The following RIC3 variants were observed in gnomAD, a reference collection of about 807,000 sequenced individuals.
The protein encoded by RIC3 is RIC3 acetylcholine receptor chaperone, also known as protein RIC-3.
RIC3 carries 28 observed loss-of-function variants against 27.3 expected under a neutral mutation model. That is an observed-to-expected ratio of 1.02 (90% CI 0.76 to 1.41). The LOEUF (loss-of-function observed/expected upper bound fraction) is 1.41, where lower values mean the gene tolerates loss of function less well. Among genes scored for constraint, RIC3 ranks in the 40% most tolerant of loss-of-function variants. The pLI, the probability that RIC3 is intolerant of heterozygous loss-of-function variation, is 0.00. For missense variants in RIC3, 501 were observed against 444.7 expected (o/e 1.13, Z -1.14); for synonymous variants, 184 against 160.4 (o/e 1.15, Z -1.11).
chr11:8,167,458 C>G (rs1951798296), intron 1 of RIC3, among the ~76,000 whole-genome samples: 1 of 152,122 alleles, frequency 6.6e-6, no homozygotes, highest in Middle Eastern at 3.4e-3. Flanking sequence ...CACAGCACTT[C>G]AGGAATAAAG....
intron 1 of RIC3, among the ~76,000 whole-genome samples, chr11:8,141,903 G>A (rs1949117552): frequency 6.6e-6 from 1 of 151,920 alleles, no homozygotes; most frequent in Non-Finnish European, 1.5e-5. Flanking sequence ...CATGGAAACT[G>A]AACAACCTGC....
At chr11:8,098,854 G>C in the RIC3 span, 12 of 1,614,014 alleles carry the variant, frequency 7.4e-6, no homozygotes, top group Non-Finnish European at 9.3e-6. Flanking sequence ...CCTTACGTCA[G>C]GAGCTGGCAG....
At chr11:8,144,448 A>G (rs1179631902) in intron 1 of RIC3, among the ~76,000 whole-genome samples, 2 of 148,422 alleles carry the variant, frequency 1.3e-5, no homozygotes, top group East Asian at 2.0e-4. Flanking sequence ...ATCACTGGCC[A>G]TCAGAGAAAT....
chr11:8,110,681 C>T lies in RIC3; in HGVS notation c.*17G>A, dbSNP rs568789283. Reference sequence around the variant, plus strand: ...CACCTTGGGACTTGAGTAATGGATACTTCAGACTGGCTGTTTTCACTCTAA... The same window carrying T: ...CACCTTGGGACTTGAGTAATGGATATTTCAGACTGGCTGTTTTCACTCTAA... On this transcript the variant is annotated 3_prime_UTR_variant, in exon 6 of 6. Coordinates refer to ENST00000309737, the MANE Select transcript of RIC3 (RefSeq NM_001206671.4). The T allele has an allele frequency of 1.9e-6, 3 of 1,612,240 alleles. No individual in the cohort carries two copies. The Admixed American group carries it at 5.0e-5, about 27-fold the overall frequency.
At chr11:8,100,880 G>A in the RIC3 span, 339 of 1,614,102 alleles carry the variant, frequency 2.1e-4, no homozygotes, top group Middle Eastern at 4.9e-4. Flanking sequence ...GAGTATCATC[G>A]AGCTGCAAAA....
chr11:8,116,538 T>C (rs745379470), intron 5 of RIC3, among the ~76,000 whole-genome samples: 60 of 152,292 alleles, frequency 3.9e-4, no homozygotes, highest in Admixed American at 2.0e-3. Context: ...TGGGTTAATA[T>C]GCAAAATATA....
At position 8,106,176 on chromosome 11, in the gene RIC3, G is replaced by C. The variant is rs1250783934; in HGVS notation, c.*4522C>G. 1.3e-5 allele frequency: 2 copies of C among 151,846 alleles called. No homozygotes were observed. Among genetic ancestry groups the C allele is most frequent in the Admixed American group, 1.3e-4 (2 of 15,270 alleles). 9.4% of individuals were successfully genotyped at this position (151,846 alleles called of 1,614,324 possible). The stretch of plus-strand genomic sequence containing the variant: ...ATTTTCCCATGTTGACATTATGTAT[G>C]TTGTAGAATTTAGTGTTTGTCTAAG... On this transcript the variant is annotated 3_prime_UTR_variant, in exon 6 of 6. Transcript: ENST00000309737.
chr11:8,164,983 G>A (rs1951551553), intron 1 of RIC3, among the ~76,000 whole-genome samples: 1 of 152,082 alleles, frequency 6.6e-6, no homozygotes, highest in Admixed American at 6.6e-5. Context: ...CTACTAGGAT[G>A]GCTATCATCA....
chr11:8,117,042 G>A (rs1945926365), intron 5 of RIC3, among the ~76,000 whole-genome samples: 1 of 152,114 alleles, frequency 6.6e-6, no homozygotes, highest in South Asian at 2.1e-4. Flanking sequence ...AGAAAATGTG[G>A]CACATATACA....
chr11:8,133,459 G>A (rs1441786090), intron 4 of RIC3, among the ~76,000 whole-genome samples: 1 of 152,146 alleles, frequency 6.6e-6, no homozygotes, highest in East Asian at 1.9e-4. Flanking sequence ...AATCACATCT[G>A]AGAACTAAAA....
At chr11:8,139,939 G>A (rs374593989) in intron 2 of RIC3, 28 bp downstream of exon 2, 2 of 1,561,954 alleles carry the variant, frequency 1.3e-6, no homozygotes, top group South Asian at 1.1e-5. Context: ...TTTCATTGAT[G>A]TAATATGATT....
In RIC3 at chr11:8,138,307, T is replaced by C; in HGVS notation, c.392A>G (p.Tyr131Cys). Reference sequence around the variant, plus strand: ...GTGGGTGTTTCCAGGCATGGCAGTATAGCATTTCCCATCCTCTGCAGTTGT... The same window carrying C: ...GTGGGTGTTTCCAGGCATGGCAGTACAGCATTTCCCATCCTCTGCAGTTGT... ...GKTTAEDGKC[Y>C]TAMPGNTHRK... The change falls in exon 3 of 6, where the codon TAT becomes TGT. Residue 131 changes from tyrosine (Y) to cysteine (C), a missense_variant. Physicochemically the swap from Tyr to Cys is radical, Grantham distance 194. Coordinates refer to ENST00000309737, the MANE Select transcript of RIC3 (RefSeq NM_001206671.4). The C allele has an allele frequency of 1.2e-6, 2 of 1,613,648 alleles. No individual in the cohort carries two copies. Among genetic ancestry groups the C allele is most frequent in the Non-Finnish European group, 1.7e-6 (2 of 1,179,648 alleles).
chr11:8,110,977 A>C lies in RIC3; in HGVS notation c.831T>G (p.Gly277=). 1 of 1,614,146 alleles carries C rather than the reference A, an allele frequency of 6.2e-7. No individual in the cohort carries two copies. The highest frequency in any genetic ancestry group is 8.5e-7 in the Non-Finnish European group (1 of 1,180,026). ...MIEEEESDHL[G]WESLPTDPRA... Reference sequence around the variant, plus strand: ...TGGGGTCAGTGGGCAGACTTTCCCAACCCAAATGATCTGATTCTTCCTCTT... The same window carrying C: ...TGGGGTCAGTGGGCAGACTTTCCCACCCCAAATGATCTGATTCTTCCTCTT... Residue 277 remains glycine (G), a synonymous_variant, in exon 6 of 6, where the codon GGT becomes GGG. Coordinates refer to ENST00000309737, the MANE Select transcript of RIC3 (RefSeq NM_001206671.4).
chr11:8,159,940 A>T (rs920306666), intron 1 of RIC3, among the ~76,000 whole-genome samples: 1 of 151,980 alleles, frequency 6.6e-6, no homozygotes, highest in Non-Finnish European at 1.5e-5. Flanking sequence ...GTTGCAGTGA[A>T]CTCAGATCCT....
chr11:8,116,682 C>A (rs1945892378), intron 5 of RIC3, among the ~76,000 whole-genome samples: 1 of 152,088 alleles, frequency 6.6e-6, no homozygotes, highest in Non-Finnish European at 1.5e-5. Context: ...ATTAAACATT[C>A]AAGAAATGAA....
the RIC3 span, among the ~76,000 whole-genome samples, chr11:8,100,238 G>A: frequency 0.021 from 3,253 of 152,256 alleles, 113 homozygotes; most frequent in African/African-American, 0.072. Flanking sequence ...GAGAGGACTC[G>A]AGTGTGACCA....
chr11:8,099,005 G>T, the RIC3 span: 1 of 729,298 alleles, frequency 1.4e-6, no homozygotes, highest in Non-Finnish European at 2.4e-6. Flanking sequence ...GCTGTCCTCT[G>T]TGGAGTGTTC....
At chr11:8,140,278 G>A (rs1163626466) in intron 1 of RIC3, 85 bp from the exon 2 acceptor site, 2 of 1,249,332 alleles carry the variant, frequency 1.6e-6, no homozygotes, top group Non-Finnish European at 2.2e-6. Context: ...AGGTATAAAA[G>A]AGGCCAACAC....
At chr11:8,099,580 A>G in the RIC3 span, among the ~76,000 whole-genome samples, 1 of 152,248 alleles carries the variant, frequency 6.6e-6, no homozygotes, top group Non-Finnish European at 1.5e-5. Context: ...CACTAAGGAT[A>G]TAGTAATGAA....
Sources: gnomAD v4.1 joint callset for allele counts (sites outside exome capture counted in the v4.1 genomes callset) on GRCh38, gnomAD v4.1.1 for gene constraint, MANE v1.5 for transcripts, NCBI Gene and HGNC (gene_info 2026-07-23, HGNC 2026-07-21) for gene names.